The following MAGI3 variants were observed in gnomAD, a reference collection of about 807,000 sequenced individuals.
The protein encoded by MAGI3 is membrane-associated guanylate kinase, WW and PDZ domain-containing protein 3.
MAGI3 carries 43 observed loss-of-function variants against 121.8 expected under a neutral mutation model. The observed-to-expected ratio is 0.35, with a 90% CI of 0.28 to 0.46. The LOEUF (loss-of-function observed/expected upper bound fraction) is 0.46, where lower values mean the gene tolerates loss of function less well. Ranked by LOEUF, MAGI3 falls within the 20% of genes least tolerant of loss-of-function variation. MAGI3 has a pLI of 1.00. For synonymous variants in MAGI3, 553 were observed against 639.3 expected, an observed-to-expected ratio of 0.86 and a Z score of 2.04; for missense variants, 1,547 against 1,797.3, an observed-to-expected ratio of 0.86 and a Z score of 2.52.
At chr1:113,437,151 A>G (rs1298159531) in intron 1 of MAGI3, among the ~76,000 whole-genome samples, 6 of 151,940 alleles carry the variant, frequency 3.9e-5, no homozygotes, top group African/African-American at 1.4e-4. Context: ...TTCTTTGATT[A>G]TCTGCCCCAC....
chr1:113,594,866 T>C (rs1191369852), intron 6 of MAGI3, among the ~76,000 whole-genome samples: 1 of 152,206 alleles, frequency 6.6e-6, no homozygotes, highest in African/African-American at 2.4e-5. Context: ...AATAAATATT[T>C]AAAAATTAGG....
Position 113,683,935 on chromosome 1 carries a change from T to G in MAGI3, c.4367T>G (p.Leu1456Arg), listed in dbSNP as rs747146017. Residue 1456 changes from leucine to arginine, a missense_variant, in exon 21 of 21, where the codon CTG (leucine) becomes CGG (arginine). Physicochemically the swap from Leu to Arg is moderately radical, Grantham distance 102 (BLOSUM62 -2). Transcript: ENST00000307546. Reference sequence around the variant, plus strand: ...AGCAGTTCTCCAGTTAAGAAAACACTGATAACTCCAGGGCCCTGGAAGGTT... The same window carrying G: ...AGCAGTTCTCCAGTTAAGAAAACACGGATAACTCCAGGGCCCTGGAAGGTT... ...PESSSPVKKT[L>R]ITPGPWKVPS... 1.7e-5 allele frequency: 27 copies of G among 1,610,224 alleles called. No individual in the cohort carries two copies. The highest frequency in any genetic ancestry group is 2.3e-5 in the Non-Finnish European group (27 of 1,178,232).
chr1:113,492,729 C>T (rs530377413), intron 1 of MAGI3, among the ~76,000 whole-genome samples: 2 of 152,228 alleles, frequency 1.3e-5, no homozygotes, highest in South Asian at 2.1e-4. Context: ...GTGTAAATAT[C>T]AATCTTTCTT....
intron 18 of MAGI3, 139 bp from the exon 19 acceptor site, chr1:113,673,183 A>G: frequency 1.9e-6 from 2 of 1,042,742 alleles, no homozygotes; most frequent in Non-Finnish European, 2.7e-6. Context: ...TTTAACCAAA[A>G]CCTACATTCC....
chr1:113,540,749 G>A (rs952719130), intron 1 of MAGI3, among the ~76,000 whole-genome samples: 1 of 152,122 alleles, frequency 6.6e-6, no homozygotes, highest in Non-Finnish European at 1.5e-5. Flanking sequence ...GTGTCTGACA[G>A]TTTTTTAGAG....
rs377041998 is a variant in MAGI3, at chr1:113,510,459, T to C, written c.317-39056T>C. ...TGCACATGATTCAAAGCACCAAATA[T>C]CTGTTTGGTCTTTTCAATAATTCTT... is the stretch of plus-strand genomic sequence containing the variant. On this transcript the variant is annotated intron_variant, in intron 1 of 20. Transcript: ENST00000307546. Among the ~76,000 whole-genome samples the C allele has an allele frequency of 2.6e-5, 4 of 151,752 alleles. No homozygotes were observed. In the East Asian group the frequency reaches 5.8e-4, roughly 22 times the overall value.
At chr1:113,407,928 G>A (rs372127175) in intron 1 of MAGI3, among the ~76,000 whole-genome samples, 6 of 152,180 alleles carry the variant, frequency 3.9e-5, no homozygotes, top group East Asian at 1.9e-4. Context: ...ATGTTAGCAC[G>A]GCACTTAGGA....
At chr1:113,571,614 TG>T (rs751881298) in intron 2 of MAGI3, among the ~76,000 whole-genome samples, 3 of 152,200 alleles carry the variant, frequency 2.0e-5, no homozygotes, top group Non-Finnish European at 4.4e-5. Context: ...TCATGTCCCT[TG>T]TAAGTTGGAT....
chr1:113,518,940 A>G (rs1286509984), intron 1 of MAGI3, among the ~76,000 whole-genome samples: 3 of 152,146 alleles, frequency 2.0e-5, no homozygotes, highest in East Asian at 1.9e-4. Flanking sequence ...TTTTGGATAT[A>G]TATTGTCTCC....
At chr1:113,401,148 G>A (rs1212558905) in intron 1 of MAGI3, among the ~76,000 whole-genome samples, 1 of 152,034 alleles carries the variant, frequency 6.6e-6, no homozygotes, top group South Asian at 2.1e-4. Flanking sequence ...AGATTAACAC[G>A]TGAAAGTTCA....
intron 19 of MAGI3, 62 bp downstream of exon 19, chr1:113,673,527 TTAA>T: frequency 6.6e-7 from 1 of 1,525,234 alleles, no homozygotes; most frequent in Non-Finnish European, 8.9e-7. Flanking sequence ...TCGAAAGATA[TTAA>T]TAATTGATTT....
At chr1:113,586,401 C>T (rs548475721) in intron 4 of MAGI3, among the ~76,000 whole-genome samples, 105 of 152,194 alleles carry the variant, frequency 6.9e-4, no homozygotes, top group Middle Eastern at 3.4e-3. Context: ...TATCATTTTC[C>T]CAAAGCACCC....
chr1:113,514,102 G>A (rs1475661449), intron 1 of MAGI3, among the ~76,000 whole-genome samples: 228 of 151,698 alleles, frequency 1.5e-3, no homozygotes, highest in African/African-American at 3.9e-3. Flanking sequence ...TTAGAATGGC[G>A]ATCATTAAAA....
At chr1:113,670,486 G>A (rs533990980) in intron 16 of MAGI3, among the ~76,000 whole-genome samples, 1 of 152,192 alleles carries the variant, frequency 6.6e-6, no homozygotes, top group East Asian at 1.9e-4. Context: ...TTTCACTATT[G>A]TATTCTAAGA....
At chr1:113,594,622 C>A in intron 6 of MAGI3, 62 bp downstream of exon 6, 1 of 1,420,086 alleles carries the variant, frequency 7.0e-7, no homozygotes, top group Non-Finnish European at 9.7e-7. Flanking sequence ...GCTCTTCTTG[C>A]TCAGATAATG....
rs1243406238 is a variant in MAGI3, at chr1:113,390,766, C to CT, written c.-264dup. ...TCTGGAACCTCCTGGGGACAATTCC[C>CT]TTTTCCTTTCTTCAGCCTAACCCGC... is the stretch of plus-strand genomic sequence containing the variant. On this transcript the variant is annotated 5_prime_UTR_variant, in exon 1 of 21. Coordinates refer to ENST00000307546, the MANE Select transcript of MAGI3 (RefSeq NM_001142782.2). 3 of 196,550 alleles carry CT rather than the reference C, an allele frequency of 1.5e-5. No individual in the cohort carries two copies. Among genetic ancestry groups the CT allele is most frequent in the Non-Finnish European group, 3.1e-5 (3 of 96,602 alleles). The allele number at this position is 196,550 out of a possible 1,614,324, so 12.2% of individuals were successfully genotyped here.
intron 8 of MAGI3, among the ~76,000 whole-genome samples, chr1:113,622,588 C>A (rs1325185674): frequency 6.6e-6 from 1 of 152,058 alleles, no homozygotes; most frequent in Non-Finnish European, 1.5e-5. Context: ...TTTTATAGTA[C>A]AGTTGAATAG....
At position 113,408,180 on chromosome 1, in the gene MAGI3, A is replaced by G. The variant is rs148483069; in HGVS notation, c.316+16831A>G. Among the ~76,000 whole-genome samples the G allele has an allele frequency of 8.1e-4, 123 of 152,270 alleles. 2 individuals are homozygous for G. Among genetic ancestry groups the G allele is most frequent in the African/African-American group, 2.9e-3 (119 of 41,578 alleles). On this transcript the variant is annotated intron_variant, in intron 1 of 20. Coordinates refer to ENST00000307546, the MANE Select transcript of MAGI3 (RefSeq NM_001142782.2). ...TAATTCAGCCTTTGACTTCTGTGTC[A>G]ATTTTCTGAAATTTCTCTTTTTTTG...
rs530625524 is a variant in MAGI3 at position 113,600,751 on chromosome 1, T to C, written c.1018+6191T>C. On this transcript the variant is annotated intron_variant, in intron 6 of 20. Transcript: ENST00000307546. ...AAGTTCATATGGAACCAAAAAAGAG[T>C]CCGCATTGCCAAGTCAATCCTAAGC... Among the ~76,000 whole-genome samples the C allele has an allele frequency of 5.0e-3, 761 of 152,120 alleles. 4 individuals are homozygous for C. Among genetic ancestry groups the C allele is most frequent in the African/African-American group, 0.018 (733 of 41,506 alleles).
Sources: gnomAD v4.1 joint callset for allele counts (sites outside exome capture counted in the v4.1 genomes callset) on GRCh38, gnomAD v4.1.1 for gene constraint, MANE v1.5 for transcripts, NCBI Gene and HGNC (gene_info 2026-07-23, HGNC 2026-07-21) for gene names.